The following RBM28 variants were observed in gnomAD, a reference collection of about 807,000 sequenced individuals.
RBM28 encodes the protein RNA binding motif protein 28.
In RBM28, 78 loss-of-function variants were observed where a neutral mutation model predicts 98.3. The observed-to-expected ratio is 0.79, with a 90% confidence interval of 0.66 to 0.96. The LOEUF is 0.96. RBM28 is among the 40% of genes least tolerant of loss of function. RBM28 has a pLI of 0.00. For synonymous variants in RBM28, 306 were observed against 330.9 expected, an observed-to-expected ratio of 0.92 and a Z score of 0.82; for missense variants, 838 against 913.0, an observed-to-expected ratio of 0.92 and a Z score of 1.06.
At chr7:128,328,182 A>G (rs1796395379) in intron 10 of RBM28, among the ~76,000 whole-genome samples, 1 of 152,220 alleles carries the variant, frequency 6.6e-6, no homozygotes, top group Non-Finnish European at 1.5e-5. Flanking sequence ...AGCACCTACT[A>G]TAGTGTACAG....
chr7:128,339,140 C>A, intron 3 of RBM28, 87 bp downstream of exon 3: 1 of 1,197,930 alleles, frequency 8.3e-7, no homozygotes, highest in South Asian at 1.2e-5. Flanking sequence ...CCCAATTATA[C>A]CATCTTGGTG....
chr7:128,323,989 C>T (rs1217377794), intron 12 of RBM28, among the ~76,000 whole-genome samples: 2 of 152,112 alleles, frequency 1.3e-5, no homozygotes, highest in African/African-American at 4.8e-5. Context: ...ACTTGAGGTC[C>T]ATTACTAAAC....
At chr7:128,320,249 A>G (rs141658240) in intron 14 of RBM28, among the ~76,000 whole-genome samples, 1,560 of 83,686 alleles carry the variant, frequency 0.019, 11 homozygotes, top group Middle Eastern at 0.036. Context: ...AGAAAGAAAG[A>G]AATTAGCCAG....
intron 18 of RBM28, among the ~76,000 whole-genome samples, chr7:128,311,541 G>C (rs1795985653): frequency 6.6e-6 from 1 of 152,048 alleles, no homozygotes; most frequent in Non-Finnish European, 1.5e-5. Flanking sequence ...GCTGAGCCTG[G>C]GACATCCTGC....
chr7:128,333,241 A>G (rs762759303), intron 9 of RBM28, 49 bp downstream of exon 9: 5 of 1,397,462 alleles, frequency 3.6e-6, no homozygotes, highest in Non-Finnish European at 5.1e-6. Flanking sequence ...GAAGGAAGAG[A>G]GATCTATGAA....
chr7:128,339,223 T>C lies in RBM28; in HGVS notation c.372+4A>G. On this transcript the variant is annotated splice_donor_region_variant and intron_variant, in intron 3 of 18. Transcript: ENST00000223073. ...ATGCAATGTTCATTTTCTCTCTCAC[T>C]TACCTTAAAGCTCAGGTTCCGAATA... 3 of 1,602,904 alleles carry C rather than the reference T, an allele frequency of 1.9e-6. No individual in the cohort carries two copies. Among genetic ancestry groups the C allele is most frequent in the Non-Finnish European group, 2.6e-6 (3 of 1,169,778 alleles).
intron 14 of RBM28, among the ~76,000 whole-genome samples, chr7:128,320,339 GT>G (rs1217309809): frequency 4.8e-5 from 7 of 146,628 alleles, no homozygotes; most frequent in African/African-American, 1.5e-4. Flanking sequence ...GGGGGGGGGG[GT>G]GGCGGTTTGC....
chr7:128,338,655 T>C (rs1480721878), intron 4 of RBM28, 71 bp downstream of exon 4: 8 of 1,116,906 alleles, frequency 7.2e-6, no homozygotes, highest in East Asian at 4.7e-5. Flanking sequence ...ACTTCATATA[T>C]ATCATATATG....
Position 128,321,269 on chromosome 7 carries a change from C to T in RBM28, c.1560G>A (p.Lys520=). Residue 520 remains lysine (K), a synonymous_variant, in exon 14 of 19, where the codon AAG becomes AAA. Transcript: ENST00000223073. ...ATSGEKGVRI[K]ECRVMRDLKG... Reference sequence around the variant, plus strand: ...AATGGTCAGGGCCACGTCTCACCTCCTTGATGCGCACCCCTTTCTCTCCAC... The same window carrying T: ...AATGGTCAGGGCCACGTCTCACCTCTTTGATGCGCACCCCTTTCTCTCCAC... 1 of 1,614,162 alleles carries T rather than the reference C, an allele frequency of 6.2e-7. No individual in the cohort carries two copies. Among genetic ancestry groups the T allele is most frequent in the Non-Finnish European group, 8.5e-7 (1 of 1,179,996 alleles).
chr7:128,338,078 A>G (rs944152285), intron 5 of RBM28, among the ~76,000 whole-genome samples, 172 bp downstream of exon 5: 7 of 152,214 alleles, frequency 4.6e-5, no homozygotes, highest in Non-Finnish European at 8.8e-5. Flanking sequence ...GGTTCTTTCA[A>G]GTTTAACCCC....
Position 128,310,948 on chromosome 7 carries a change from T to A in RBM28, c.2146-17A>T, listed in dbSNP as rs901521716. On this transcript the variant is annotated splice_polypyrimidine_tract_variant and intron_variant, in intron 18 of 18. Coordinates refer to ENST00000223073, the MANE Select transcript of RBM28 (RefSeq NM_018077.3). ...CCTAGATACCTACAAATGAAAGGAT[T>A]AGAAACATAATATAATCAATTTCAA... The A allele has an allele frequency of 2.5e-6, 4 of 1,607,608 alleles. No individual in the cohort carries two copies. The African/African-American group carries it at 5.3e-5, about 21-fold the overall frequency.
chr7:128,323,960 A>C (rs952444269), intron 12 of RBM28, among the ~76,000 whole-genome samples: 6 of 152,208 alleles, frequency 3.9e-5, no homozygotes, highest in African/African-American at 1.2e-4. Flanking sequence ...TTGGAACTTA[A>C]CTTTGCTGTT....
intron 11 of RBM28, 78 bp downstream of exon 11, chr7:128,325,739 CT>C: frequency 1.0e-6 from 1 of 964,932 alleles, no homozygotes; most frequent in African/African-American, 1.6e-5. Flanking sequence ...AATAATAAAG[CT>C]TTGTATAAAT....
rs754057278 is a variant in RBM28 at position 128,308,033 on chromosome 7, AAGG to A, written c.*2761_*2763del. ...TCCTGACACATCAGGCCCTGAAGTGAAGGAGAAGTGAGCACAACTCTCACTGCA... is the reference window on the plus strand; with the variant it reads ...TCCTGACACATCAGGCCCTGAAGTGAAGAAGTGAGCACAACTCTCACTGCA... On this transcript the variant is annotated 3_prime_UTR_variant, in exon 19 of 19. Transcript: ENST00000223073. 4 of 152,202 alleles carry A rather than the reference AAGG, an allele frequency of 2.6e-5. No individual in the cohort carries two copies. The highest frequency in any genetic ancestry group is 5.9e-5 in the Non-Finnish European group (4 of 68,024). The allele number at this position is 152,202 out of a possible 1,614,324, so 9.4% of individuals were successfully genotyped here.
At chr7:128,321,137 G>T in intron 14 of RBM28, 129 bp downstream of exon 14, 1 of 1,308,730 alleles carries the variant, frequency 7.6e-7, no homozygotes, top group Non-Finnish European at 1.1e-6. Context: ...CTGCACTACA[G>T]CCTGGGCAAC....
Position 128,338,638 on chromosome 7 carries a change from GC to G in RBM28, c.448+87del, listed in dbSNP as rs1796655196. 1.7e-5 allele frequency: 17 copies of G among 987,862 alleles called. No individual in the cohort carries two copies. The South Asian group carries it at 2.2e-4, about 13-fold the overall frequency. The allele number at this position is 987,862 out of a possible 1,614,324, so 61.2% of individuals were successfully genotyped here. A position where few individuals can be genotyped will look rare whatever the true frequency, so the allele number is the denominator to read the frequency against. On this transcript the variant is annotated intron_variant, in intron 4 of 18. Transcript: ENST00000223073. ...GTTTTCATTAGATGTGAAGCACTGT[GC>G]CAAATACTTCATATATATCATATAT...
chr7:128,317,888 A>C, intron 15 of RBM28, 69 bp downstream of exon 15: 1 of 1,589,250 alleles, frequency 6.3e-7, no homozygotes, highest in Non-Finnish European at 8.6e-7. Context: ...GACACTAGGC[A>C]TAAAGGAGAA....
rs749867026 is a variant in RBM28, at chr7:128,338,273, C to A, written c.518G>T (p.Gly173Val). 1.7e-5 allele frequency: 27 copies of A among 1,613,938 alleles called. No individual in the cohort carries two copies. The highest frequency in any genetic ancestry group is 2.3e-5 in the Non-Finnish European group (27 of 1,179,936). ...ACCTTTTATCTCTTTCATGTTCATG[C>A]CTTTGAGAGCTTTACCTGCTTCTAG... ...NLLEAGKALKGMNMKEIKGRT... is the reference protein window; with the variant it reads ...NLLEAGKALKVMNMKEIKGRT... Residue 173 changes from glycine (G) to valine (V), a missense_variant, in exon 5 of 19, where the codon GGC becomes GTC. Physicochemically the swap from Gly to Val is moderately radical, Grantham distance 109. Coordinates refer to ENST00000223073, the MANE Select transcript of RBM28 (RefSeq NM_018077.3).
chr7:128,319,339 T>C (rs1410422999), intron 14 of RBM28, among the ~76,000 whole-genome samples: 4 of 152,168 alleles, frequency 2.6e-5, no homozygotes, highest in Non-Finnish European at 5.9e-5. Flanking sequence ...TAATGCAAAA[T>C]ATTCTAGAAT....
Sources: gnomAD v4.1 joint callset for allele counts (sites outside exome capture counted in the v4.1 genomes callset) on GRCh38, gnomAD v4.1.1 for gene constraint, MANE v1.5 for transcripts, NCBI Gene and HGNC (gene_info 2026-07-23, HGNC 2026-07-21) for gene names.